Variants in INPP5A observed in about 807,000 individuals in gnomAD.
INPP5A encodes the protein 43 kDa inositol polyphosphate 5-phophatase.
In INPP5A, 14 loss-of-function variants were observed where a neutral mutation model predicts 65.2. That is an observed-to-expected ratio of 0.21 (90% CI 0.14 to 0.34). The LOEUF (loss-of-function observed/expected upper bound fraction) is 0.34. Ranked by LOEUF, INPP5A falls within the 10% of genes least tolerant of loss-of-function variation. The probability of loss-of-function intolerance (pLI) is 1.00; values close to 1 mark genes in which losing one functional copy is unlikely to be tolerated. For synonymous variants in INPP5A, 207 were observed against 208.3 expected (o/e 0.99, Z 0.05); for missense variants, 431 against 545.6 (o/e 0.79, Z 2.09).
chr10:132,774,176 C>G (rs1182668580), intron 12 of INPP5A, among the ~76,000 whole-genome samples: 1 of 152,212 alleles, frequency 6.6e-6, no homozygotes, highest in African/African-American at 2.4e-5. Flanking sequence ...TTCTCCTTTT[C>G]AGGAATTCCA....
At chr10:132,721,536 G>C (rs117611123) in intron 8 of INPP5A, among the ~76,000 whole-genome samples, 27 of 151,252 alleles carry the variant, frequency 1.8e-4, no homozygotes, top group African/African-American at 6.6e-4. Context: ...GCTATCTTGC[G>C]GTTTCTGTGG....
Position 132,545,420 on chromosome 10 carries a change from G to A in INPP5A, c.75+7249G>A, listed in dbSNP as rs939469521. Among the ~76,000 whole-genome samples the A allele has an allele frequency of 1.3e-5, 2 of 152,180 alleles. No individual in the cohort carries two copies. Among genetic ancestry groups the A allele is most frequent in the African/African-American group, 2.4e-5 (1 of 41,456 alleles). Reference sequence around the variant, plus strand: ...GGTCTCTCTGAGCTGTGGGGCTCACGGAGGGACAGCCTCCAGGAAGGTGGC... The same window carrying A: ...GGTCTCTCTGAGCTGTGGGGCTCACAGAGGGACAGCCTCCAGGAAGGTGGC... On this transcript the variant is annotated intron_variant, in intron 1 of 15. Coordinates refer to ENST00000368594, the MANE Select transcript of INPP5A (RefSeq NM_005539.5). This position sits in a 1 kb window ranked among gnomAD's most constrained non-coding sequence, Gnocchi z 4.6.
chr10:132,622,989 C>T (rs949896462), intron 2 of INPP5A, among the ~76,000 whole-genome samples: 4 of 152,126 alleles, frequency 2.6e-5, no homozygotes, highest in East Asian at 1.9e-4. Context: ...GTTACGGTGA[C>T]GTGTTAGAAC....
At chr10:132,578,932 G>A (rs2071445062) in intron 1 of INPP5A, among the ~76,000 whole-genome samples, 1 of 152,194 alleles carries the variant, frequency 6.6e-6, no homozygotes, top group Admixed American at 6.5e-5. Context: ...GTGGTGCAGG[G>A]TAGAGGTCGG....
rs950339297 is a variant in INPP5A at position 132,537,962 on chromosome 10, C to G, written c.-135C>G. 2.6e-5 allele frequency: 5 copies of G among 190,232 alleles called. No individual in the cohort carries two copies. The highest frequency in any genetic ancestry group is 1.2e-4 in the African/African-American group (5 of 41,600). The allele number at this position is 190,232 out of a possible 1,614,324, so 11.8% of individuals were successfully genotyped here. ...GGCCAGGCCCGGCCGACCCGCCGAG[C>G]CCGCGATGCGCCCCGGGGCCGCCCC... On this transcript the variant is annotated 5_prime_UTR_variant, in exon 1 of 16. Coordinates refer to ENST00000368594, the MANE Select transcript of INPP5A (RefSeq NM_005539.5).
At chr10:132,768,598 C>T (rs1451138287) in intron 12 of INPP5A, among the ~76,000 whole-genome samples, 2 of 152,226 alleles carry the variant, frequency 1.3e-5, no homozygotes, top group Admixed American at 6.5e-5. Context: ...CCTGTCAGGA[C>T]ACGTTGGCCT....
At chr10:132,598,565 C>T (rs922714541) in intron 1 of INPP5A, among the ~76,000 whole-genome samples, 1 of 152,170 alleles carries the variant, frequency 6.6e-6, no homozygotes, top group Non-Finnish European at 1.5e-5. Flanking sequence ...AGTCAGAATA[C>T]CCTTCCTTTT....
rs1185280915 is a variant in INPP5A at position 132,669,957 on chromosome 10, C to T, written c.306+19452C>T. On this transcript the variant is annotated intron_variant, in intron 4 of 15. Transcript: ENST00000368594. ...CTCAGGTCTTTCTTTTGTCCAAACT[C>T]TTATCTTCTCTTGGGTCCCCAGGGT... 2.0e-5 allele frequency among the ~76,000 whole-genome samples: 3 copies of T among 151,092 alleles called. No individual in the cohort carries two copies. The East Asian group carries it at 5.9e-4, about 30-fold the overall frequency.
chr10:132,686,677 T>G (rs541557735), intron 4 of INPP5A, among the ~76,000 whole-genome samples: 50 of 152,394 alleles, frequency 3.3e-4, no homozygotes, highest in African/African-American at 1.1e-3. Flanking sequence ...TATTTTTCAC[T>G]TATTTATTGC....
chr10:132,558,406 C>G (rs2071157130), intron 1 of INPP5A, among the ~76,000 whole-genome samples: 1 of 152,240 alleles, frequency 6.6e-6, no homozygotes, highest in African/African-American at 2.4e-5. Context: ...TCCTCAGGCC[C>G]TGACAGCTGC....
rs769055924 is a variant in INPP5A, at chr10:132,749,535, A to G, written c.751A>G (p.Thr251Ala). The G allele has an allele frequency of 6.2e-7, 1 of 1,612,912 alleles. No homozygotes were observed. Among genetic ancestry groups the G allele is most frequent in the African/African-American group, 1.3e-5 (1 of 75,058 alleles). Residue 251 changes from threonine (T) to alanine (A), a missense_variant, in exon 10 of 16, where the codon ACC becomes GCC. By Grantham distance (58) the Thr-to-Ala change is moderately conservative. Transcript: ENST00000368594. Reference sequence around the variant, plus strand: ...TCTGCAGACGCTCTGCACAAAAGCCACCATGCAGACGGTCCGGGCCGCCGA... The same window carrying G: ...TCTGCAGACGCTCTGCACAAAAGCCGCCATGCAGACGGTCCGGGCCGCCGA... ...SVVETLCTKATMQTVRAADTN... is the reference protein window; with the variant it reads ...SVVETLCTKAAMQTVRAADTN...
At position 132,683,945 on chromosome 10, in the gene INPP5A, C is replaced by T. The variant is rs527985523; in HGVS notation, c.307-6447C>T. ...GGCCAGGCTGGTCTCGAACTCCTGA[C>T]CTCAAGTGGTCGACCCACCTTGGCC... On this transcript the variant is annotated intron_variant, in intron 4 of 15. Coordinates refer to ENST00000368594, the MANE Select transcript of INPP5A (RefSeq NM_005539.5). Among the ~76,000 whole-genome samples the T allele has an allele frequency of 1.1e-3, 172 of 152,332 alleles. 2 individuals are homozygous for T. The highest frequency in any genetic ancestry group is 4.0e-3 in the African/African-American group (167 of 41,562).
intron 8 of INPP5A, among the ~76,000 whole-genome samples, chr10:132,720,423 G>A (rs1590954876): frequency 7.0e-6 from 1 of 142,682 alleles, no homozygotes; most frequent in South Asian, 2.1e-4. Context: ...GTGGTACCTG[G>A]GTTCTGTCTG....
intron 2 of INPP5A, among the ~76,000 whole-genome samples, chr10:132,615,883 C>T (rs573196494): frequency 5.8e-4 from 89 of 152,164 alleles, no homozygotes; most frequent in Non-Finnish European, 1.0e-3. Flanking sequence ...CCGCTCTGGG[C>T]GGCTGGGATA....
chr10:132,648,007 GCACTCAAAATGAAGT>G (rs1337056102), intron 3 of INPP5A, among the ~76,000 whole-genome samples: 165 of 152,262 alleles, frequency 1.1e-3, no homozygotes, highest in Non-Finnish European at 1.9e-3. Flanking sequence ...TTATGAAAAG[GCACTCAAAATGAAGT>G]CACTCAAAAT....
chr10:132,598,448 C>G (rs2071735475), intron 1 of INPP5A, among the ~76,000 whole-genome samples: 1 of 152,206 alleles, frequency 6.6e-6, no homozygotes, highest in African/African-American at 2.4e-5. Flanking sequence ...TTTCTGTCTC[C>G]ATGAATCTGA....
intron 1 of INPP5A, among the ~76,000 whole-genome samples, chr10:132,561,760 ACAAC>A (rs2071209904): frequency 6.7e-6 from 1 of 149,882 alleles, no homozygotes; most frequent in Admixed American, 6.6e-5. Flanking sequence ...ACACACACAC[ACAAC>A]CCTGCTGGAA....
intron 4 of INPP5A, among the ~76,000 whole-genome samples, chr10:132,671,535 C>A (rs1047471055): frequency 1.3e-5 from 2 of 152,342 alleles, no homozygotes; most frequent in Middle Eastern, 6.8e-3. Flanking sequence ...AAGGACACAA[C>A]CTTCTTGGCT....
intron 1 of INPP5A, 100 bp from the exon 2 acceptor site, chr10:132,607,815 C>T: frequency 8.2e-7 from 1 of 1,222,872 alleles, no homozygotes; most frequent in East Asian, 2.3e-5. Flanking sequence ...GGCTGCGCCT[C>T]TGCTCCTGCC....
Sources: gnomAD v4.1 joint callset for allele counts (sites outside exome capture counted in the v4.1 genomes callset) on GRCh38, gnomAD v4.1.1 for gene constraint, Gnocchi (gnomAD v3.1) non-coding constraint, MANE v1.5 for transcripts, NCBI Gene and HGNC (gene_info 2026-07-23, HGNC 2026-07-21) for gene names.